VDR: variants seen among roughly 807,000 people sequenced by gnomAD.
VDR encodes vitamin D receptor.
Under a neutral mutation model 39.7 loss-of-function variants are expected in VDR, and 19 were observed. The observed-to-expected ratio is 0.48, with a 90% CI of 0.33 to 0.70. The LOEUF (loss-of-function observed/expected upper bound fraction) is 0.70. VDR is among the 30% of genes least tolerant of loss of function. The pLI is 0.02. For synonymous variants in VDR, 242 were observed against 215.8 expected, an observed-to-expected ratio of 1.12 and a Z score of -1.07; for missense variants, 442 against 570.5, an observed-to-expected ratio of 0.77 and a Z score of 2.29.
intron 4 of VDR, among the ~76,000 whole-genome samples, chr12:47,859,923 T>TTTCTTTCTTTC (rs1945588627): frequency 1.2e-4 from 6 of 50,956 alleles, no homozygotes; most frequent in Non-Finnish European, 2.3e-4. Context: ...CCTTCTTTCT[T>TTTCTTTCTTTC]TTTCTTTCTT....
intron 4 of VDR, among the ~76,000 whole-genome samples, chr12:47,859,847 T>C (rs919875846): frequency 3.1e-4 from 20 of 63,854 alleles, no homozygotes. Flanking sequence ...TTTCCCTTCC[T>C]TCCTTCCTTC....
In VDR at chr12:47,865,067, T is replaced by C. The variant is rs534768058; in HGVS notation, c.257A>G (p.Asp86Gly). ...CTCACACTCCTTCATCATGCCGATG[T>C]CCACACAGCGTTTGAGCCGGCAGGC... ...CQACRLKRCV[D>G]IGMMKEFILT... The change falls in exon 4 of 10, where the codon GAC (aspartate) becomes GGC (glycine). Residue 86 changes from aspartate to glycine, a missense_variant. Asp to Gly is a moderately conservative substitution (Grantham distance 94). Around this residue, in one of 5 missense-constraint regions of VDR, gnomAD observed 141 missense variants for 141.3 expected, o/e 1.00. Coordinates refer to ENST00000549336, the MANE Select transcript of VDR (RefSeq NM_000376.3). The C allele has an allele frequency of 3.1e-6, 5 of 1,613,678 alleles. No homozygotes were observed. The African/African-American group carries it at 4.0e-5, about 13-fold the overall frequency.
intron 4 of VDR, among the ~76,000 whole-genome samples, chr12:47,859,504 T>C (rs1190830849): frequency 6.6e-6 from 1 of 152,058 alleles, no homozygotes; most frequent in Non-Finnish European, 1.5e-5. Context: ...TCCAGCTGGG[T>C]TTTCTCTCCC....
chr12:47,878,406 A>G (rs1396651587), intron 3 of VDR, among the ~76,000 whole-genome samples: 1 of 152,176 alleles, frequency 6.6e-6, no homozygotes, highest in Non-Finnish European at 1.5e-5. Flanking sequence ...CCCTGATCAA[A>G]CAGGAATGCA....
chr12:47,856,522 G>A (rs1253989675), intron 6 of VDR, among the ~76,000 whole-genome samples: 5 of 151,082 alleles, frequency 3.3e-5, no homozygotes, highest in South Asian at 2.1e-4. Flanking sequence ...TTCTGGATGC[G>A]TACTAACTGG....
intron 1 of VDR, chr12:47,898,361 A>T (rs1946499958): frequency 6.6e-6 from 1 of 152,212 alleles, no homozygotes; most frequent in Admixed American, 6.5e-5. Flanking sequence ...AGCCTGTATC[A>T]AGTGTTGAAA....
chr12:47,878,780 T>C lies in VDR; in HGVS notation c.146+188A>G, dbSNP rs1481602660. Reference sequence around the variant, plus strand: ...TTTCCAAGAGAGTCAGAGGAACATCTGGAGCTGAGAGGAGGGAAAAGAAGA... The same window carrying C: ...TTTCCAAGAGAGTCAGAGGAACATCCGGAGCTGAGAGGAGGGAAAAGAAGA... On this transcript the variant is annotated intron_variant, in intron 3 of 9. Transcript: ENST00000549336. The C allele has an allele frequency of 3.3e-6, 3 of 901,706 alleles. No homozygotes were observed. The South Asian group carries it at 4.2e-5, about 13-fold the overall frequency. The allele number at this position is 901,706 out of a possible 1,614,324, so 55.9% of individuals were successfully genotyped here.
At chr12:47,881,277 A>T (rs1946145863) in intron 2 of VDR, among the ~76,000 whole-genome samples, 1 of 152,206 alleles carries the variant, frequency 6.6e-6, no homozygotes. Flanking sequence ...GTTCTCACTT[A>T]TAAGTGGGAA....
intron 3 of VDR, among the ~76,000 whole-genome samples, chr12:47,870,303 T>C (rs1195182446): frequency 6.6e-6 from 1 of 152,186 alleles, no homozygotes; most frequent in Non-Finnish European, 1.5e-5. Flanking sequence ...TGCTTTGTCC[T>C]GAAGGTCTAC....
At chr12:47,868,755 C>T (rs1438604180) in intron 3 of VDR, among the ~76,000 whole-genome samples, 2 of 142,682 alleles carry the variant, frequency 1.4e-5, no homozygotes, top group African/African-American at 5.1e-5. Flanking sequence ...TCAGAAGAAA[C>T]TCTCATTTCC....
At chr12:47,904,462 T>TAAAAAAAAAAAAA (rs17886628) in intron 1 of VDR, 38 of 360,306 alleles carry the variant, frequency 1.1e-4, no homozygotes, top group South Asian at 9.2e-4. Flanking sequence ...CAAAGAAAAG[T>TAAAAAAAAAAAAA]AAAAAAAAAA....
intron 2 of VDR, among the ~76,000 whole-genome samples, chr12:47,880,708 T>C (rs1475383612): frequency 6.6e-6 from 1 of 152,068 alleles, no homozygotes; most frequent in Non-Finnish European, 1.5e-5. Context: ...ATTGTGGTTT[T>C]GGCCATCAAA....
chr12:47,901,220 T>C (rs1036672885), intron 1 of VDR: 5 of 155,324 alleles, frequency 3.2e-5, no homozygotes, highest in African/African-American at 1.2e-4. Flanking sequence ...AGTCACTACA[T>C]GGTCATCGTG....
chr12:47,849,283 G>T (rs962425677), intron 7 of VDR, among the ~76,000 whole-genome samples: 1 of 152,162 alleles, frequency 6.6e-6, no homozygotes, highest in Non-Finnish European at 1.5e-5. Context: ...GGCCAGCAAA[G>T]GATCTGTATT....
At chr12:47,864,617 C>G (rs1945690861) in intron 4 of VDR, among the ~76,000 whole-genome samples, 1 of 152,224 alleles carries the variant, frequency 6.6e-6, no homozygotes. Context: ...CACATCAGCC[C>G]TCTCTTCCCA....
At chr12:47,852,393 C>T (rs755691550) in intron 7 of VDR, among the ~76,000 whole-genome samples, 8 of 152,156 alleles carry the variant, frequency 5.3e-5, no homozygotes, top group Non-Finnish European at 8.8e-5. Flanking sequence ...TAACGTGAAG[C>T]GTGGAGGAGG....
At position 47,854,059 on chromosome 12, in the gene VDR, C is replaced by G. The variant is rs118055527; in HGVS notation, c.755+1571G>C. Among the ~76,000 whole-genome samples the G allele has an allele frequency of 1.9e-3, 288 of 152,276 alleles. 12 individuals are homozygous for G. In the East Asian group the frequency reaches 0.047, roughly 25 times the overall value. On this transcript the variant is annotated intron_variant, in intron 7 of 9. Coordinates refer to ENST00000549336, the MANE Select transcript of VDR (RefSeq NM_000376.3). Reference sequence around the variant, plus strand: ...AATTGATAAAGGAGGATCCCTTCTCCAGTAGAACTCCTTATACTTATATAT... The same window carrying G: ...AATTGATAAAGGAGGATCCCTTCTCGAGTAGAACTCCTTATACTTATATAT...
intron 1 of VDR, among the ~76,000 whole-genome samples, chr12:47,883,905 A>T (rs11574036): frequency 6.6e-6 from 1 of 152,154 alleles, no homozygotes; most frequent in African/African-American, 2.4e-5. Flanking sequence ...TGAGGAAAAC[A>T]CTAGTGGACA....
intron 3 of VDR, among the ~76,000 whole-genome samples, chr12:47,869,887 A>C (rs1455338878): frequency 6.6e-6 from 1 of 152,226 alleles, no homozygotes; most frequent in African/African-American, 2.4e-5. Flanking sequence ...ACAAAGTGAG[A>C]TCCTGTCTCT....
Sources: allele counts gnomAD v4.1 joint callset (sites outside exome capture counted in the v4.1 genomes callset), GRCh38; gene constraint gnomAD v4.1.1; regional missense constraint gnomAD v4.1.1; transcripts MANE v1.5; gene names NCBI Gene and HGNC (gene_info 2026-07-23, HGNC 2026-07-21).